Variants in CTNNA2 observed in about 807,000 individuals in gnomAD.
CTNNA2 encodes catenin alpha-2.
Under a neutral mutation model 101.0 loss-of-function variants are expected in CTNNA2, and 42 were observed. The observed-to-expected ratio is 0.42, with a 90% confidence interval of 0.32 to 0.54. The LOEUF (loss-of-function observed/expected upper bound fraction) is 0.54. Among genes scored for constraint, CTNNA2 ranks in the 20% least tolerant of loss-of-function variants. The pLI, the probability that CTNNA2 is intolerant of heterozygous loss-of-function variation, is 0.14. For missense variants in CTNNA2, 871 were observed against 1,223.1 expected, an observed-to-expected ratio of 0.71 and a Z score of 4.29; for synonymous variants, 450 against 456.4, an observed-to-expected ratio of 0.99 and a Z score of 0.18.
intron 7 of CTNNA2, among the ~76,000 whole-genome samples, chr2:80,024,074 G>A (rs1212926840): frequency 2.8e-5 from 4 of 140,796 alleles, no homozygotes; most frequent in South Asian, 2.3e-4. Context: ...GCGACAGAGC[G>A]AGACTCCGTC....
At chr2:79,763,839 G>T (rs1672961583) in intron 3 of CTNNA2, among the ~76,000 whole-genome samples, 1 of 152,230 alleles carries the variant, frequency 6.6e-6, no homozygotes, top group African/African-American at 2.4e-5. Flanking sequence ...CTAGGACATA[G>T]ATTTTCAGGT....
At chr2:79,705,226 C>G (rs1685276624) in intron 2 of CTNNA2, among the ~76,000 whole-genome samples, 2 of 152,162 alleles carry the variant, frequency 1.3e-5, no homozygotes, top group African/African-American at 2.4e-5. Context: ...TAGTTACCCC[C>G]TTATCCCTGG....
chr2:79,810,752 C>T (rs1387009351), intron 3 of CTNNA2, among the ~76,000 whole-genome samples: 2 of 151,736 alleles, frequency 1.3e-5, no homozygotes, highest in Admixed American at 6.6e-5. Flanking sequence ...TTTTCAATTC[C>T]CACCTATGAG....
intron 7 of CTNNA2, among the ~76,000 whole-genome samples, chr2:80,185,272 C>G (rs748080001): frequency 2.0e-5 from 3 of 152,140 alleles, no homozygotes; most frequent in African/African-American, 2.4e-5. Flanking sequence ...TAGGTCAGCT[C>G]GCAACATGGT....
At chr2:80,246,565 G>A (rs555140688) in intron 7 of CTNNA2, among the ~76,000 whole-genome samples, 2 of 152,154 alleles carry the variant, frequency 1.3e-5, no homozygotes, top group Non-Finnish European at 2.9e-5. Context: ...CAGTAGTTGC[G>A]CTCAAATGAA....
intron 7 of CTNNA2, among the ~76,000 whole-genome samples, chr2:80,038,349 G>C (rs1016679677): frequency 6.6e-6 from 1 of 152,184 alleles, no homozygotes; most frequent in Non-Finnish European, 1.5e-5. Flanking sequence ...TTAGCCTGGG[G>C]CTTCCTGGGG....
At chr2:79,638,757 C>T (rs1035371121) in intron 1 of CTNNA2, among the ~76,000 whole-genome samples, 78 of 152,022 alleles carry the variant, frequency 5.1e-4, no homozygotes, top group African/African-American at 1.8e-3. Context: ...GATTTAACTT[C>T]GACTTTTAAA....
chr2:79,230,002 G>C (rs546640240), intron 2 of CTNNA2, among the ~76,000 whole-genome samples: 1 of 152,270 alleles, frequency 6.6e-6, no homozygotes, highest in Admixed American at 6.5e-5. Context: ...ATGTAATTTG[G>C]GTGCTGTTAA....
chr2:80,390,237 C>A (rs1012258774), intron 7 of CTNNA2, among the ~76,000 whole-genome samples: 1 of 152,184 alleles, frequency 6.6e-6, no homozygotes, highest in East Asian at 1.9e-4. Context: ...TTCCCAAAGG[C>A]AACATCTTCT....
At chr2:79,600,689 C>T (rs1264474532) in intron 1 of CTNNA2, among the ~76,000 whole-genome samples, 1 of 152,112 alleles carries the variant, frequency 6.6e-6, no homozygotes, top group East Asian at 1.9e-4. Context: ...GTTTGGGCTC[C>T]TATGACAGAA....
chr2:79,996,209 T>C (rs1205805174), intron 7 of CTNNA2, among the ~76,000 whole-genome samples: 1 of 152,234 alleles, frequency 6.6e-6, no homozygotes, highest in Non-Finnish European at 1.5e-5. Flanking sequence ...AGTTTATTGA[T>C]GTGTGAGTAC....
chr2:80,549,943 G>T (rs950486387), intron 11 of CTNNA2, among the ~76,000 whole-genome samples: 1 of 152,050 alleles, frequency 6.6e-6, no homozygotes, highest in Non-Finnish European at 1.5e-5. Flanking sequence ...AAGGCACAGG[G>T]TATGGGGGTG....
chr2:79,800,506 T>TA (rs551460972), intron 3 of CTNNA2, among the ~76,000 whole-genome samples: 2 of 151,932 alleles, frequency 1.3e-5, no homozygotes, highest in African/African-American at 4.8e-5. Context: ...CAGGAAATGC[T>TA]AAAAAAAAGT....
intron 3 of CTNNA2, chr2:79,339,825 T>C (rs1677088287): frequency 6.6e-6 from 1 of 152,220 alleles, no homozygotes; most frequent in Non-Finnish European, 1.5e-5. Context: ...TATCTGAGGA[T>C]TTCCTGGGTT....
chr2:80,142,361 C>A (rs1166165549), intron 7 of CTNNA2, among the ~76,000 whole-genome samples: 1 of 152,146 alleles, frequency 6.6e-6, no homozygotes, highest in Non-Finnish European at 1.5e-5. Context: ...ACTGCAGTCC[C>A]TATGTCAGTG....
intron 7 of CTNNA2, among the ~76,000 whole-genome samples, chr2:80,095,464 C>CT (rs948908044): frequency 2.2e-4 from 34 of 152,052 alleles, no homozygotes; most frequent in African/African-American, 8.2e-4. Context: ...CTAAAATTCT[C>CT]TTTTTTTGTT....
intron 4 of CTNNA2, among the ~76,000 whole-genome samples, chr2:79,498,594 T>TA (rs201512325): frequency 7.9e-5 from 12 of 151,348 alleles, no homozygotes; most frequent in South Asian, 2.1e-4. Context: ...TCGGAGCAAT[T>TA]AAAAAAAAAC....
At chr2:80,178,658 C>T (rs1048946450) in intron 7 of CTNNA2, among the ~76,000 whole-genome samples, 3 of 152,108 alleles carry the variant, frequency 2.0e-5, no homozygotes, top group East Asian at 1.9e-4. Context: ...TCAGGTCACT[C>T]GAAAAATGGG....
chr2:79,206,926 T>C (rs1476057569), intron 2 of CTNNA2, among the ~76,000 whole-genome samples: 3 of 152,192 alleles, frequency 2.0e-5, no homozygotes, highest in Non-Finnish European at 2.9e-5. Context: ...TCAGTTACTG[T>C]GTAAGCTGAG....
Sources: gnomAD v4.1 joint callset for allele counts (sites outside exome capture counted in the v4.1 genomes callset) on GRCh38, gnomAD v4.1.1 for gene constraint, MANE v1.5 for transcripts, NCBI Gene and HGNC (gene_info 2026-07-23, HGNC 2026-07-21) for gene names.